DAAM1: variants seen among roughly 807,000 people sequenced by gnomAD.
DAAM1 encodes the protein disheveled-associated activator of morphogenesis 1.
Under a neutral mutation model 130.0 loss-of-function variants are expected in DAAM1, and 52 were observed. That is an observed-to-expected ratio of 0.40 (90% CI 0.32 to 0.50). The LOEUF is 0.50. DAAM1 is among the 20% of genes least tolerant of loss of function. The probability of loss-of-function intolerance (pLI) is 0.61; values close to 1 mark genes in which losing one functional copy is unlikely to be tolerated. For missense variants in DAAM1, 1,134 were observed against 1,303.8 expected, an observed-to-expected ratio of 0.87 and a Z score of 2.01; for synonymous variants, 452 against 444.5, an observed-to-expected ratio of 1.02 and a Z score of -0.21.
At position 59,322,980 on chromosome 14, in the gene DAAM1, A is replaced by G; in HGVS notation, c.529A>G (p.Ile177Val). ...TMDYETSESR[I>V]HTSLIGCIKA... ...GGACTACGAGACCTCAGAGTCTCGA[A>G]TACATACTTCTCTCATTGGCTGTAT... is the stretch of plus-strand genomic sequence containing the variant. The change falls in exon 6 of 25, where the codon ATA becomes GTA. Residue 177 changes from isoleucine to valine, a missense_variant. Coordinates refer to ENST00000360909, the MANE Select transcript of DAAM1 (RefSeq NM_001270520.2). 2.5e-6 allele frequency: 4 copies of G among 1,614,212 alleles called. No individual in the cohort carries two copies. The highest frequency in any genetic ancestry group is 3.4e-6 in the Non-Finnish European group (4 of 1,180,024).
At chr14:59,346,020 C>G (rs1481382144) in intron 16 of DAAM1, among the ~76,000 whole-genome samples, 6 of 152,006 alleles carry the variant, frequency 3.9e-5, no homozygotes, top group Non-Finnish European at 7.4e-5. Flanking sequence ...GTCTGCCTTG[C>G]AGAACGTACA....
intron 1 of DAAM1, among the ~76,000 whole-genome samples, chr14:59,195,896 TA>T (rs1215297129): frequency 2.7e-5 from 4 of 148,644 alleles, no homozygotes; most frequent in Admixed American, 6.7e-5. Context: ...TTTTTTTTTT[TA>T]AATTAATCAT....
chr14:59,360,356 G>T (rs17255694), intron 21 of DAAM1, among the ~76,000 whole-genome samples: 103,163 of 152,132 alleles, frequency 0.68, 35,644 homozygotes, highest in East Asian at 0.85. Flanking sequence ...CCTTGTAATA[G>T]TCATATTATT....
chr14:59,357,925 C>CA (rs1886547941), intron 20 of DAAM1, among the ~76,000 whole-genome samples: 1 of 152,156 alleles, frequency 6.6e-6, no homozygotes, highest in East Asian at 1.9e-4. Context: ...TTAAGGATTG[C>CA]ATTGTTTCTA....
chr14:59,291,357 A>T (rs772139188), intron 3 of DAAM1, 51 bp downstream of exon 3: 1 of 1,421,832 alleles, frequency 7.0e-7, no homozygotes, highest in African/African-American at 1.4e-5. Context: ...CATTGATTCC[A>T]TTTGCTCTTC....
At chr14:59,222,102 G>A (rs11624136) in intron 1 of DAAM1, among the ~76,000 whole-genome samples, 67,293 of 152,150 alleles carry the variant, frequency 0.44, 15,933 homozygotes, top group East Asian at 0.65. Context: ...TCTTCAGAAG[G>A]TTGTTCCATT....
intron 12 of DAAM1, among the ~76,000 whole-genome samples, chr14:59,327,398 G>GTTTATTTTTTTTTTTTT: frequency 1.4e-5 from 1 of 72,762 alleles, no homozygotes; most frequent in African/African-American, 7.4e-5. Context: ...AGGTCACTTG[G>GTTTATTTTTTTTTTTTT]TTTCTTTTTT....
At chr14:59,240,924 C>G (rs1034343600) in intron 1 of DAAM1, among the ~76,000 whole-genome samples, 1 of 152,134 alleles carries the variant, frequency 6.6e-6, no homozygotes, top group East Asian at 1.9e-4. Flanking sequence ...CATAGGTATG[C>G]GAAGTAGGCA....
chr14:59,282,063 TCTTTA>T (rs1312468035), intron 2 of DAAM1, among the ~76,000 whole-genome samples: 1 of 152,182 alleles, frequency 6.6e-6, no homozygotes, highest in African/African-American at 2.4e-5. Context: ...GCTTTCTACC[TCTTTA>T]CTTCTTATGT....
intron 3 of DAAM1, among the ~76,000 whole-genome samples, chr14:59,297,601 C>T (rs965366438): frequency 3.9e-5 from 6 of 152,078 alleles, no homozygotes; most frequent in Admixed American, 6.6e-5. Context: ...AGTCTCCTCC[C>T]CTCCCTCCGT....
In DAAM1 at chr14:59,263,491, A is replaced by G. The variant is rs780929063; in HGVS notation, c.14A>G (p.Lys5Arg). 5 of 1,614,126 alleles carry G rather than the reference A, an allele frequency of 3.1e-6. No individual in the cohort carries two copies. Among genetic ancestry groups the G allele is most frequent in the East Asian group, 2.2e-5 (1 of 44,902 alleles). Reference protein sequence around the residue: MAPRKRGGRGISFIF... With the variant: MAPRRRGGRGISFIF... ...CAGAATTCAGCCATGGCCCCAAGAA[A>G]GAGAGGTGGACGAGGTATTTCATTC... The change falls in exon 2 of 25, where the codon AAG becomes AGG. Residue 5 changes from lysine (K) to arginine (R), a missense_variant. By Grantham distance (26) the Lys-to-Arg change is conservative. Transcript: ENST00000360909.
chr14:59,196,613 G>A (rs1403481164), intron 1 of DAAM1, among the ~76,000 whole-genome samples: 1 of 151,994 alleles, frequency 6.6e-6, no homozygotes, highest in African/African-American at 2.4e-5. Flanking sequence ...CGTGGTGGCG[G>A]GCGCCTGTAG....
At chr14:59,233,102 T>C (rs1889165926) in intron 1 of DAAM1, among the ~76,000 whole-genome samples, 1 of 152,198 alleles carries the variant, frequency 6.6e-6, no homozygotes, top group Admixed American at 6.5e-5. Context: ...TAAACATACA[T>C]GTGCATGTGT....
At chr14:59,219,035 A>C (rs1049927371) in intron 1 of DAAM1, among the ~76,000 whole-genome samples, 4 of 152,068 alleles carry the variant, frequency 2.6e-5, no homozygotes, top group African/African-American at 9.7e-5. Context: ...TATTGGAAAG[A>C]CCCTTTCTAG....
intron 23 of DAAM1, among the ~76,000 whole-genome samples, chr14:59,364,463 C>T (rs1304629878): frequency 6.6e-6 from 1 of 152,132 alleles, no homozygotes; most frequent in African/African-American, 2.4e-5. Flanking sequence ...TCACTCCTCT[C>T]TATCTCAGGT....
At chr14:59,307,851 C>G (rs1026813960) in intron 3 of DAAM1, among the ~76,000 whole-genome samples, 17 of 152,168 alleles carry the variant, frequency 1.1e-4, no homozygotes, top group Non-Finnish European at 2.9e-5. Context: ...GCTGGCGAGT[C>G]GAGGTCCTAT....
chr14:59,293,552 A>G (rs1192159349), intron 3 of DAAM1, among the ~76,000 whole-genome samples: 4 of 152,144 alleles, frequency 2.6e-5, no homozygotes, highest in Non-Finnish European at 5.9e-5. Flanking sequence ...TTGAGAATGC[A>G]CTTCTCCTAC....
At chr14:59,317,932 A>G (rs566154645) in intron 4 of DAAM1, among the ~76,000 whole-genome samples, 3 of 152,180 alleles carry the variant, frequency 2.0e-5, no homozygotes, top group East Asian at 1.9e-4. Context: ...GAGATGGGAT[A>G]GGCTTCTGTT....
chr14:59,267,901 C>T (rs991607742), intron 2 of DAAM1, among the ~76,000 whole-genome samples: 7 of 88,850 alleles, frequency 7.9e-5, no homozygotes, highest in African/African-American at 2.1e-4. Flanking sequence ...TACGCCCCCC[C>T]CTTTTTTTTT....
Sources: allele counts gnomAD v4.1 joint callset (sites outside exome capture counted in the v4.1 genomes callset), GRCh38; gene constraint gnomAD v4.1.1; transcripts MANE v1.5; gene names NCBI Gene and HGNC (gene_info 2026-07-23, HGNC 2026-07-21).